The following EXOC4 variants were observed in gnomAD, a reference collection of about 807,000 sequenced individuals.
EXOC4 encodes exocyst complex component 4.
A neutral mutation model predicts 107.2 loss-of-function variants in EXOC4; 71 were observed. The ratio of observed to expected loss-of-function variants is 0.66; its 90% CI spans 0.55 to 0.81. EXOC4 has a LOEUF of 0.81. Among genes scored for constraint, EXOC4 ranks in the 30% least tolerant of loss-of-function variants. EXOC4 has a pLI of 0.00. For missense variants in EXOC4, 1,108 were observed against 1,189.6 expected (o/e 0.93, Z 1.01); for synonymous variants, 456 against 441.2 (o/e 1.03, Z -0.42).
At chr7:133,997,738 T>C in intron 15 of EXOC4, 105 bp downstream of exon 15, 1 of 1,312,640 alleles carries the variant, frequency 7.6e-7, no homozygotes. Flanking sequence ...GCTCATATTA[T>C]TGATGTTATC....
intron 9 of EXOC4, among the ~76,000 whole-genome samples, chr7:133,615,627 T>C (rs892991597): frequency 2.0e-5 from 3 of 152,172 alleles, no homozygotes; most frequent in Non-Finnish European, 4.4e-5. Context: ...CTGCGTTCTC[T>C]ATTGGTGGAG....
At chr7:133,724,756 T>C (rs969021670) in intron 10 of EXOC4, among the ~76,000 whole-genome samples, 1 of 152,218 alleles carries the variant, frequency 6.6e-6, no homozygotes. Context: ...GAACGGTTCA[T>C]GCAGTTATTT....
At chr7:134,051,972 C>G (rs1328839596) in intron 17 of EXOC4, among the ~76,000 whole-genome samples, 1 of 148,386 alleles carries the variant, frequency 6.7e-6, no homozygotes. Context: ...GGCAATAGAG[C>G]ACGACTCCAT....
intron 10 of EXOC4, among the ~76,000 whole-genome samples, chr7:133,759,503 T>C (rs1419751948): frequency 6.6e-6 from 1 of 152,228 alleles, no homozygotes; most frequent in Non-Finnish European, 1.5e-5. Flanking sequence ...ACAGCTGTCC[T>C]ATGAGTGTCC....
intron 5 of EXOC4, among the ~76,000 whole-genome samples, chr7:133,330,801 A>G (rs1050215609): frequency 1.3e-5 from 2 of 152,008 alleles, no homozygotes; most frequent in Non-Finnish European, 2.9e-5. Flanking sequence ...AACCAGTCCC[A>G]GTGAGATGAA....
At chr7:133,660,788 A>C (rs1345070081) in intron 10 of EXOC4, among the ~76,000 whole-genome samples, 2 of 152,182 alleles carry the variant, frequency 1.3e-5, no homozygotes, top group Non-Finnish European at 2.9e-5. Flanking sequence ...ACAGAATTTG[A>C]TGAAAAGTGT....
intron 9 of EXOC4, among the ~76,000 whole-genome samples, chr7:133,611,999 G>C (rs534364348): frequency 6.6e-6 from 1 of 152,222 alleles, no homozygotes; most frequent in South Asian, 2.1e-4. Flanking sequence ...ATAGTGCCTG[G>C]TATGCAGCAA....
intron 14 of EXOC4, among the ~76,000 whole-genome samples, chr7:133,986,704 G>A (rs1794122202): frequency 1.3e-5 from 2 of 152,174 alleles, no homozygotes. Context: ...AGTGTACAAA[G>A]CACTGGGGTA....
At chr7:133,455,363 T>C (rs1320959282) in intron 7 of EXOC4, among the ~76,000 whole-genome samples, 1 of 152,088 alleles carries the variant, frequency 6.6e-6, no homozygotes, top group Admixed American at 6.6e-5. Flanking sequence ...ACTAAAACCG[T>C]GGAAAGCAAA....
intron 10 of EXOC4, among the ~76,000 whole-genome samples, chr7:133,769,546 C>G (rs1796204432): frequency 6.6e-6 from 1 of 151,608 alleles, no homozygotes; most frequent in African/African-American, 2.4e-5. Flanking sequence ...AGCCATGTAG[C>G]ACACAGAAGG....
chr7:133,514,885 A>G (rs550893340), intron 9 of EXOC4, among the ~76,000 whole-genome samples: 1 of 152,308 alleles, frequency 6.6e-6, no homozygotes, highest in African/African-American at 2.4e-5. Context: ...ATGATAAATG[A>G]TATCATTTCA....
chr7:133,728,426 A>G (rs1395113687), intron 10 of EXOC4, among the ~76,000 whole-genome samples: 1 of 152,262 alleles, frequency 6.6e-6, no homozygotes, highest in Non-Finnish European at 1.5e-5. Context: ...TCAGAACTGT[A>G]GATAACATTG....
At chr7:133,958,890 A>C (rs1026391244) in intron 14 of EXOC4, among the ~76,000 whole-genome samples, 1 of 152,216 alleles carries the variant, frequency 6.6e-6, no homozygotes, top group Non-Finnish European at 1.5e-5. Flanking sequence ...TTCTGAAATC[A>C]GGCAAAGTTT....
At chr7:133,847,414 C>G (rs1439590306) in intron 11 of EXOC4, among the ~76,000 whole-genome samples, 4 of 146,930 alleles carry the variant, frequency 2.7e-5, no homozygotes, top group African/African-American at 1.0e-4. Context: ...GAGTCTCGCT[C>G]TGCCCCCAAA....
chr7:134,034,303 A>G (rs1042131054), intron 17 of EXOC4, among the ~76,000 whole-genome samples: 1 of 152,186 alleles, frequency 6.6e-6, no homozygotes, highest in Non-Finnish European at 1.5e-5. Flanking sequence ...AATTTTTAGG[A>G]AAAAAAGCAA....
intron 10 of EXOC4, among the ~76,000 whole-genome samples, chr7:133,813,587 G>T (rs1262395077): frequency 6.6e-6 from 1 of 152,110 alleles, no homozygotes; most frequent in Non-Finnish European, 1.5e-5. Context: ...ATCGCAGCAG[G>T]ATGTGGTATT....
chr7:133,724,400 C>T (rs1157547347), intron 10 of EXOC4, among the ~76,000 whole-genome samples: 4 of 152,166 alleles, frequency 2.6e-5, no homozygotes, highest in East Asian at 1.9e-4. Flanking sequence ...TCCGGAAACT[C>T]GTTTGCTGGG....
At chr7:133,334,407 T>TA (rs1795463817) in intron 5 of EXOC4, among the ~76,000 whole-genome samples, 1 of 152,248 alleles carries the variant, frequency 6.6e-6, no homozygotes, top group African/African-American at 2.4e-5. Context: ...TAGATACTCC[T>TA]TTATACTTTG....
At chr7:133,382,769 A>G (rs1796645598) in intron 7 of EXOC4, among the ~76,000 whole-genome samples, 1 of 152,220 alleles carries the variant, frequency 6.6e-6, no homozygotes, top group Non-Finnish European at 1.5e-5. Flanking sequence ...TTTGTATAGT[A>G]AATTAATTCT....
Sources: allele counts gnomAD v4.1 joint callset (sites outside exome capture counted in the v4.1 genomes callset), GRCh38; gene constraint gnomAD v4.1.1; transcripts MANE v1.5; gene names NCBI Gene and HGNC (gene_info 2026-07-23, HGNC 2026-07-21).